The following MKLN1 variants were observed in gnomAD, a reference collection of about 807,000 sequenced individuals.
MKLN1 encodes muskelin 1.
MKLN1 carries 18 observed loss-of-function variants against 99.0 expected under a neutral mutation model. That is an observed-to-expected ratio of 0.18 (90% CI 0.13 to 0.27). MKLN1 has a LOEUF of 0.27. Ranked by LOEUF, MKLN1 falls within the 10% of genes least tolerant of loss-of-function variation. MKLN1 has a pLI of 1.00. For missense variants in MKLN1, 621 were observed against 875.9 expected (o/e 0.71, Z 3.67); for synonymous variants, 288 against 293.2 (o/e 0.98, Z 0.18).
At chr7:131,190,117 C>G (rs576564596) in intron 2 of MKLN1, among the ~76,000 whole-genome samples, 11 of 152,192 alleles carry the variant, frequency 7.2e-5, no homozygotes, top group Admixed American at 5.2e-4. Flanking sequence ...GGATCCCCCA[C>G]CCCCTTAAGG....
At chr7:131,391,792 G>A (rs568105990) in intron 4 of MKLN1, among the ~76,000 whole-genome samples, 8 of 152,298 alleles carry the variant, frequency 5.3e-5, no homozygotes, top group African/African-American at 1.9e-4. Context: ...TAATTTAAGA[G>A]TACATTTATG....
chr7:131,405,965 C>A (rs1268395521), intron 6 of MKLN1, among the ~76,000 whole-genome samples: 1 of 152,008 alleles, frequency 6.6e-6, no homozygotes, highest in Non-Finnish European at 1.5e-5. Flanking sequence ...AAATCTTTAT[C>A]AATAAGAATT....
At chr7:131,228,039 C>T (rs759465887) in intron 3 of MKLN1, among the ~76,000 whole-genome samples, 38 of 152,110 alleles carry the variant, frequency 2.5e-4, no homozygotes, top group Non-Finnish European at 4.6e-4. Context: ...TTTTCATCCT[C>T]TTTTCAACCA....
intron 3 of MKLN1, chr7:131,310,625 T>C (rs1026618100): frequency 6.6e-6 from 1 of 152,236 alleles, no homozygotes; most frequent in African/African-American, 2.4e-5. Context: ...GGGAACTACG[T>C]AGACAAGGGA....
rs903170892 is a variant in MKLN1 at position 131,428,165 on chromosome 7, AAAAT to A, written c.848-849_848-846del. 5.3e-5 allele frequency among the ~76,000 whole-genome samples: 8 copies of A among 152,208 alleles called. No homozygotes were observed. In the East Asian group the frequency reaches 9.6e-4, roughly 18 times the overall value. Reference sequence around the variant, plus strand: ...GGGCAACAGAGAGAGACCGTGTCTCAAAATAAATAAATAAATAAATAATAAAAAT... The same window carrying A: ...GGGCAACAGAGAGAGACCGTGTCTCAAAATAAATAAATAAATAATAAAAAT... On this transcript the variant is annotated intron_variant, in intron 8 of 17. Transcript: ENST00000352689.
chr7:131,489,401 A>T lies in MKLN1; in HGVS notation c.*1673A>T, dbSNP rs1797368268. ...TAATTCAGCAAGTACCAACTTGTGT[A>T]GCTGCAGAATAACCAAGTGGCTATC... On this transcript the variant is annotated 3_prime_UTR_variant, in exon 18 of 18. Coordinates refer to ENST00000352689, the MANE Select transcript of MKLN1 (RefSeq NM_013255.5). 6.6e-6 allele frequency: 1 copy of T among 152,142 alleles called. No homozygotes were observed. 9.4% of individuals were successfully genotyped at this position (152,142 alleles called of 1,614,324 possible). A position where few individuals can be genotyped will look rare whatever the true frequency, so the allele number is the denominator to read the frequency against.
chr7:131,451,856 C>T (rs1192358612), intron 12 of MKLN1, among the ~76,000 whole-genome samples: 1 of 152,186 alleles, frequency 6.6e-6, no homozygotes, highest in Non-Finnish European at 1.5e-5. Flanking sequence ...TGGTCTGTCA[C>T]ACCACCAGAG....
chr7:131,219,974 C>T (rs369360705), intron 3 of MKLN1, among the ~76,000 whole-genome samples: 15 of 152,278 alleles, frequency 9.9e-5, no homozygotes, highest in Admixed American at 2.0e-4. Flanking sequence ...CACAATATGG[C>T]GCACTGACAT....
intron 1 of MKLN1, among the ~76,000 whole-genome samples, chr7:131,336,771 G>C (rs1043449183): frequency 6.6e-6 from 1 of 152,036 alleles, no homozygotes; most frequent in Non-Finnish European, 1.5e-5. Context: ...TGCATTTCAC[G>C]TCTACATTTA....
At position 131,494,737 on chromosome 7, in the gene MKLN1, TTG is replaced by T. The variant is rs1797511696; in HGVS notation, c.*7011_*7012del. 1 of 152,176 alleles carries T rather than the reference TTG, an allele frequency of 6.6e-6. No homozygotes were observed. The highest frequency in any genetic ancestry group is 2.1e-4 in the South Asian group (1 of 4,834). 9.4% of individuals were successfully genotyped at this position (152,176 alleles called of 1,614,324 possible). ...TTAGCCTGGGCAAGAGGTGTTATGA[TTG>T]TCTTATTCTTTAAGCCGGCTTACTT... is the stretch of plus-strand genomic sequence containing the variant. On this transcript the variant is annotated 3_prime_UTR_variant, in exon 18 of 18. Transcript: ENST00000352689.
chr7:131,181,736 T>G (rs1796379755), intron 2 of MKLN1, among the ~76,000 whole-genome samples: 1 of 151,074 alleles, frequency 6.6e-6, no homozygotes, highest in South Asian at 2.1e-4. Context: ...CTCAGCTCAC[T>G]GCACCCTCCA....
intron 7 of MKLN1, among the ~76,000 whole-genome samples, chr7:131,411,934 A>AAAAAAAAAAAAC (rs1794892529): frequency 7.0e-6 from 1 of 142,456 alleles, no homozygotes; most frequent in Non-Finnish European, 1.5e-5. Context: ...AAAAAAAAAA[A>AAAAAAAAAAAAC]AAATTAGCCA....
intron 3 of MKLN1, among the ~76,000 whole-genome samples, chr7:131,286,530 G>A (rs917640220): frequency 4.6e-5 from 7 of 152,068 alleles, no homozygotes; most frequent in African/African-American, 1.4e-4. Flanking sequence ...TTGTTTCCAG[G>A]AAGCACTGCC....
intron 3 of MKLN1, among the ~76,000 whole-genome samples, chr7:131,283,341 TTCCCC>T (rs796104890): frequency 0.3 from 11,584 of 39,186 alleles, 1,090 homozygotes; most frequent in South Asian, 0.49. Flanking sequence ...TTCCCTTCCC[TTCCCC>T]TCCTTCCTTC....
chr7:131,129,170 T>C (rs1795511813), intron 1 of MKLN1, among the ~76,000 whole-genome samples: 2 of 152,212 alleles, frequency 1.3e-5, no homozygotes, highest in African/African-American at 2.4e-5. Flanking sequence ...AAAACCCAGA[T>C]GTCTTTGTGC....
At chr7:131,157,013 C>G (rs1044387581) in intron 2 of MKLN1, among the ~76,000 whole-genome samples, 5 of 152,104 alleles carry the variant, frequency 3.3e-5, no homozygotes, top group Admixed American at 3.3e-4. Flanking sequence ...TCATTGTCGC[C>G]GCTACTGAGG....
At chr7:131,128,029 T>C (rs944193535) in intron 1 of MKLN1, among the ~76,000 whole-genome samples, 3 of 152,182 alleles carry the variant, frequency 2.0e-5, no homozygotes, top group African/African-American at 7.2e-5. Context: ...GGTCTGTTTC[T>C]ACTAGGTCTG....
At chr7:131,399,101 T>G in intron 5 of MKLN1, 140 bp from the exon 6 acceptor site, 1 of 679,124 alleles carries the variant, frequency 1.5e-6, no homozygotes, top group Non-Finnish European at 2.5e-6. Context: ...TGATACCTAA[T>G]GAATCAGGTT....
At chr7:131,445,669 G>A (rs1795991712) in intron 11 of MKLN1, 105 bp from the exon 12 acceptor site, 1 of 894,242 alleles carries the variant, frequency 1.1e-6, no homozygotes, top group South Asian at 1.9e-5. Flanking sequence ...ATTGGGATCT[G>A]TTATAAAATT....
Sources: allele counts gnomAD v4.1 joint callset (sites outside exome capture counted in the v4.1 genomes callset), GRCh38; gene constraint gnomAD v4.1.1; transcripts MANE v1.5; gene names NCBI Gene and HGNC (gene_info 2026-07-23, HGNC 2026-07-21).